TKFC: variants seen among roughly 807,000 people sequenced by gnomAD.
The protein encoded by TKFC is triokinase and FMN cyclase, also known as triokinase/FMN cyclase.
A neutral mutation model predicts 61.0 loss-of-function variants in TKFC; 46 were observed. The observed-to-expected ratio is 0.75, with a 90% CI of 0.60 to 0.96. The LOEUF is 0.96. TKFC is among the 50% of genes least tolerant of loss of function. TKFC has a pLI of 0.00. For missense variants in TKFC, 715 were observed against 777.5 expected, an observed-to-expected ratio of 0.92 and a Z score of 0.96; for synonymous variants, 314 against 330.1, an observed-to-expected ratio of 0.95 and a Z score of 0.53.
At position 61,344,044 on chromosome 11, in the gene TKFC, T is replaced by C. The variant is rs1009697781; in HGVS notation, c.1102+69T>C. 5 of 1,595,210 alleles carry C rather than the reference T, an allele frequency of 3.1e-6. No individual in the cohort carries two copies. The African/African-American group carries it at 5.4e-5, about 17-fold the overall frequency. ...ATGCAGGAGTATACGGTGGGGCGGG[T>C]AGGGGCCCTGGCACCCACACCTCCC... On this transcript the variant is annotated intron_variant, in intron 12 of 17. Coordinates refer to ENST00000394900, the MANE Select transcript of TKFC (RefSeq NM_015533.4).
At position 61,339,292 on chromosome 11, in the gene TKFC, C is replaced by T. The variant is rs371411471; in HGVS notation, c.343C>T (p.Arg115Trp). The T allele has an allele frequency of 8.7e-6, 14 of 1,613,648 alleles. No homozygotes were observed. The African/African-American group carries it at 1.3e-4, about 15-fold the overall frequency. The change falls in exon 5 of 18, where the codon CGG becomes TGG. Residue 115 changes from arginine (R) to tryptophan (W), a missense_variant. By Grantham distance (101) the Arg-to-Trp change is moderately radical. Transcript: ENST00000394900. ...TATCGTGAAGAACTACACTGGGGAT[C>T]GGCTCAACTTCGGCCTGGCCCGGGA... ...LLIVKNYTGD[R>W]LNFGLAREQA...
At position 61,347,720 on chromosome 11, in the gene TKFC, C is replaced by A; in HGVS notation, c.*1217C>A. ...AAGGCACTGGCTGTCGACTCATACA[C>A]ATGATCTGAAATCTGATTCTGCTTT... On this transcript the variant is annotated 3_prime_UTR_variant, in exon 18 of 18. Transcript: ENST00000394900. 1 of 985,002 alleles carries A rather than the reference C, an allele frequency of 1.0e-6. No homozygotes were observed. Among genetic ancestry groups the A allele is most frequent in the Non-Finnish European group, 1.2e-6 (1 of 829,570 alleles). The allele number at this position is 985,002 out of a possible 1,614,324, so 61.0% of individuals were successfully genotyped here.
Position 61,343,464 on chromosome 11 carries a change from A to T in TKFC, c.982+6A>T. The T allele has an allele frequency of 6.2e-7, 1 of 1,612,352 alleles. No homozygotes were observed. Among genetic ancestry groups the T allele is most frequent in the Non-Finnish European group, 8.5e-7 (1 of 1,178,434 alleles). On this transcript the variant is annotated splice_donor_region_variant and intron_variant, in intron 11 of 17. Coordinates refer to ENST00000394900, the MANE Select transcript of TKFC (RefSeq NM_015533.4). ...GCCTCTCCTGAAACTGATAGGTGAG[A>T]CTTGGAACCTGGGGTCACCCAAGCC...
At chr11:61,338,188 G>C in intron 3 of TKFC, 58 bp downstream of exon 3, 1 of 1,451,736 alleles carries the variant, frequency 6.9e-7, no homozygotes, top group East Asian at 2.4e-5. Context: ...CCTCCTGGGG[G>C]ATCCTTAGTG....
At chr11:61,351,018 T>C (rs752960437), downstream of TKFC, 14 of 1,613,836 alleles carry the variant, frequency 8.7e-6, no homozygotes, top group Admixed American at 1.7e-5. Context: ...TCCCCGGCTC[T>C]GGGCGCTTCC....
chr11:61,352,130 C>T (rs1312978532), downstream of TKFC: 2 of 152,168 alleles, frequency 1.3e-5, no homozygotes, highest in Admixed American at 1.3e-4. Flanking sequence ...AAGATCGAAA[C>T]CAAGGTCTGA....
At chr11:61,342,699 C>T (rs374374948) in intron 9 of TKFC, 41 bp downstream of exon 9, 2 of 1,613,682 alleles carry the variant, frequency 1.2e-6, no homozygotes, top group African/African-American at 2.7e-5. Flanking sequence ...CCCTCCTAAA[C>T]CTCTGGGGAG....
chr11:61,339,624 A>C, intron 5 of TKFC, 189 bp downstream of exon 5: 3 of 640,920 alleles, frequency 4.7e-6, no homozygotes, highest in East Asian at 5.8e-5. Flanking sequence ...ATTTTCCCAG[A>C]CTCGTCCCCT....
intron 5 of TKFC, among the ~76,000 whole-genome samples, chr11:61,339,922 A>G (rs1856785468): frequency 6.6e-6 from 1 of 152,158 alleles, no homozygotes; most frequent in South Asian, 2.1e-4. Context: ...AATCAATACA[A>G]GCCCTCACCA....
At chr11:61,344,581 C>G (rs1359756953) in intron 13 of TKFC, among the ~76,000 whole-genome samples, 1 of 152,088 alleles carries the variant, frequency 6.6e-6, no homozygotes, top group Non-Finnish European at 1.5e-5. Flanking sequence ...CCAGGCTGGT[C>G]TCTAACTCCC....
At chr11:61,341,056 G>A (rs1020191406) in intron 5 of TKFC, among the ~76,000 whole-genome samples, 5 of 151,976 alleles carry the variant, frequency 3.3e-5, no homozygotes, top group Non-Finnish European at 7.4e-5. Flanking sequence ...AAAATTGGGT[G>A]GATGGATGGA....
Position 61,337,391 on chromosome 11 carries a change from C to T in TKFC, c.4-550C>T, listed in dbSNP as rs114202664. Reference sequence around the variant, plus strand: ...AAAGTCTTGGACTCAGGCGATCTGCCTGCCTCAGCCTCCCAAAGTGCTGGG... The same window carrying T: ...AAAGTCTTGGACTCAGGCGATCTGCTTGCCTCAGCCTCCCAAAGTGCTGGG... On this transcript the variant is annotated intron_variant, in intron 2 of 17. Transcript: ENST00000394900. Among the ~76,000 whole-genome samples the T allele has an allele frequency of 3.3e-3, 503 of 152,344 alleles. 5 individuals are homozygous for T. Among genetic ancestry groups the T allele is most frequent in the African/African-American group, 0.012 (488 of 41,576 alleles).
Position 61,341,854 on chromosome 11 carries a change from C to T in TKFC, c.597C>T (p.Ser199=), listed in dbSNP as rs955494943. ...GTLGVSLSSC[S]VPGSKPTFEL... is the part of the protein sequence containing the mutation. ...TGGGGGTGAGCTTATCCTCCTGCAG[C>T]GTCCCTGGTTCCAAACCCACCTTCG... Residue 199 remains serine (S), a synonymous_variant, in exon 7 of 18, where the codon AGC becomes AGT. Coordinates refer to ENST00000394900, the MANE Select transcript of TKFC (RefSeq NM_015533.4). 7 of 1,613,842 alleles carry T rather than the reference C, an allele frequency of 4.3e-6. No individual in the cohort carries two copies. The highest frequency in any genetic ancestry group is 4.0e-5 in the African/African-American group (3 of 74,868).
At chr11:61,335,268 C>T (rs1458580189) in intron 2 of TKFC, 1 of 156,364 alleles carries the variant, frequency 6.4e-6, no homozygotes, top group East Asian at 1.9e-4. Context: ...CCTCTCTGCG[C>T]CTCTTTTTCT....
At chr11:61,334,438 G>A (rs1197369247) in intron 1 of TKFC, 182 bp from the exon 2 acceptor site, 1 of 423,366 alleles carries the variant, frequency 2.4e-6, no homozygotes, top group Non-Finnish European at 4.4e-6. Flanking sequence ...TCTTCTGGCA[G>A]TGAAGTGCAG....
chr11:61,345,497 C>G lies in TKFC; in HGVS notation c.1383C>G (p.Pro461=), dbSNP rs1443530048. ...TGTTCCTGACTGCGGCTGCACAGCC[C>G]CTGAAGGCCAAGACCAGCCTCCCAG... ...YGLFLTAAAQ[P]LKAKTSLPAW... is the part of the protein sequence containing the mutation. The change falls in exon 15 of 18, where the codon CCC becomes CCG. Residue 461 remains proline (P), a synonymous_variant. Coordinates refer to ENST00000394900, the MANE Select transcript of TKFC (RefSeq NM_015533.4). The G allele has an allele frequency of 8.7e-6, 14 of 1,613,280 alleles. No homozygotes were observed. The highest frequency in any genetic ancestry group is 1.2e-5 in the Non-Finnish European group (14 of 1,180,036).
At chr11:61,336,436 C>A (rs910326913) in intron 2 of TKFC, 1 of 152,710 alleles carries the variant, frequency 6.5e-6, no homozygotes, top group African/African-American at 2.4e-5. Context: ...GGGCCCCAGT[C>A]TCACTCTGTC....
chr11:61,347,287 A>G lies in TKFC; in HGVS notation c.*784A>G, dbSNP rs1857176112. 1.0e-6 allele frequency: 1 copy of G among 985,198 alleles called. No homozygotes were observed. Among genetic ancestry groups the G allele is most frequent in the Non-Finnish European group, 1.2e-6 (1 of 829,680 alleles). The allele number at this position is 985,198 out of a possible 1,614,324, so 61.0% of individuals were successfully genotyped here. On this transcript the variant is annotated 3_prime_UTR_variant, in exon 18 of 18. Transcript: ENST00000394900. ...CCGGGCACGGTGGCTCACACCTGCA[A>G]TCCCAGCACTTTGGGAGGCCAAGGC... is the stretch of plus-strand genomic sequence containing the variant.
At chr11:61,342,889 G>A in intron 10 of TKFC, 45 bp downstream of exon 10, 2 of 1,587,406 alleles carry the variant, frequency 1.3e-6, no homozygotes, top group Non-Finnish European at 1.7e-6. Flanking sequence ...CTTTGGAAAG[G>A]GCTGAGGGAG....
Sources: gnomAD v4.1 joint callset for allele counts (sites outside exome capture counted in the v4.1 genomes callset) on GRCh38, gnomAD v4.1.1 for gene constraint, MANE v1.5 for transcripts, NCBI Gene and HGNC (gene_info 2026-07-23, HGNC 2026-07-21) for gene names.